PRDM16: variants seen among roughly 807,000 people sequenced by gnomAD.
The protein encoded by PRDM16 is PR/SET domain 16, also known as histone-lysine N-methyltransferase PRDM16.
In PRDM16, 23 loss-of-function variants were observed where a neutral mutation model predicts 110.6. That is an observed-to-expected ratio of 0.21 (90% CI 0.15 to 0.29). PRDM16 has a LOEUF of 0.29. Among genes scored for constraint, PRDM16 ranks in the 10% least tolerant of loss-of-function variants. The probability of loss-of-function intolerance (pLI) is 1.00; values close to 1 mark genes in which losing one functional copy is unlikely to be tolerated. For missense variants in PRDM16, 1,615 were observed against 1,794.3 expected, an observed-to-expected ratio of 0.90 and a Z score of 1.81; for synonymous variants, 799 against 781.8, an observed-to-expected ratio of 1.02 and a Z score of -0.37.
intron 3 of PRDM16, among the ~76,000 whole-genome samples, chr1:3,371,947 G>C (rs1244071243): frequency 6.6e-6 from 1 of 152,242 alleles, no homozygotes; most frequent in Non-Finnish European, 1.5e-5. Context: ...GCACCTGTGG[G>C]CCTCAGCTCT....
At chr1:3,404,980 T>C in intron 7 of PRDM16, 94 bp downstream of exon 7, 2 of 1,402,646 alleles carry the variant, frequency 1.4e-6, no homozygotes, top group Non-Finnish European at 1.9e-6. Context: ...CTGGTCCAAA[T>C]GTAGATGGAG....
intron 1 of PRDM16, among the ~76,000 whole-genome samples, chr1:3,124,728 C>G (rs891822493): frequency 5.9e-5 from 9 of 152,216 alleles, no homozygotes; most frequent in African/African-American, 2.2e-4. Flanking sequence ...GTGACAGCCC[C>G]TCGAAGCCCC....
At chr1:3,129,515 G>T (rs978744613) in intron 1 of PRDM16, among the ~76,000 whole-genome samples, 2 of 152,188 alleles carry the variant, frequency 1.3e-5, no homozygotes, top group Non-Finnish European at 2.9e-5. Context: ...AACCACAGGG[G>T]TGTCGTCCAG....
At chr1:3,399,314 C>T (rs1258058582) in intron 5 of PRDM16, among the ~76,000 whole-genome samples, 2 of 152,246 alleles carry the variant, frequency 1.3e-5, no homozygotes, top group African/African-American at 2.4e-5. Flanking sequence ...AGATGGGAAA[C>T]ATTATCAGAA....
At chr1:3,306,209 A>C (rs1292318714) in intron 3 of PRDM16, among the ~76,000 whole-genome samples, 1 of 152,244 alleles carries the variant, frequency 6.6e-6, no homozygotes, top group African/African-American at 2.4e-5. Context: ...GACCTGCCAC[A>C]CAAGCCAGCT....
At position 3,370,637 on chromosome 1, in the gene PRDM16, C is replaced by T. The variant is rs1170009036; in HGVS notation, c.439-14515C>T. 6.6e-6 allele frequency among the ~76,000 whole-genome samples: 1 copy of T among 152,156 alleles called. No individual in the cohort carries two copies. Among genetic ancestry groups the T allele is most frequent in the East Asian group, 1.9e-4 (1 of 5,182 alleles). The stretch of plus-strand genomic sequence containing the variant: ...GTGAGAGTGTCTGAGAGGAGCCTCA[C>T]CCTGATGTGAGGGACCAGGGCAGGC... On this transcript the variant is annotated intron_variant, in intron 3 of 16. Transcript: ENST00000270722. The surrounding 1 kb of genome is among the most constrained non-coding windows in gnomAD (Gnocchi z 4.8).
chr1:3,366,405 T>C (rs1642816690), intron 3 of PRDM16, among the ~76,000 whole-genome samples: 2 of 152,318 alleles, frequency 1.3e-5, no homozygotes, highest in African/African-American at 2.4e-5. Flanking sequence ...GGGCCCTCCA[T>C]GCCTGTTCGC....
intron 1 of PRDM16, among the ~76,000 whole-genome samples, chr1:3,098,144 G>A (rs781449948): frequency 3.9e-5 from 6 of 152,164 alleles, no homozygotes; most frequent in African/African-American, 1.2e-4. Flanking sequence ...TCACTGAGCC[G>A]TGTGGAATCC....
chr1:3,275,375 G>T (rs540384032), intron 3 of PRDM16, among the ~76,000 whole-genome samples: 1 of 152,170 alleles, frequency 6.6e-6, no homozygotes, highest in Non-Finnish European at 1.5e-5. Flanking sequence ...CCCAGCCTTC[G>T]CTCCTTCCTG....
rs1218127048 is a variant in PRDM16, at chr1:3,201,238, TG to T, written c.387+14770del. Among the ~76,000 whole-genome samples the T allele has an allele frequency of 1.3e-5, 2 of 152,080 alleles. No homozygotes were observed. Among genetic ancestry groups the T allele is most frequent in the Non-Finnish European group, 2.9e-5 (2 of 68,012 alleles). ...ACTCCATTCATATGATCATAGGAGC[TG>T]GGGGGCTGGAGACAAATGTATTTCT... On this transcript the variant is annotated intron_variant, in intron 2 of 16. Coordinates refer to ENST00000270722, the MANE Select transcript of PRDM16 (RefSeq NM_022114.4). The surrounding 1 kb of genome is among the most constrained non-coding windows in gnomAD (Gnocchi z 4.1).
At chr1:3,420,225 T>C (rs1436778904) in intron 12 of PRDM16, among the ~76,000 whole-genome samples, 1 of 152,222 alleles carries the variant, frequency 6.6e-6, no homozygotes, top group Non-Finnish European at 1.5e-5. Flanking sequence ...TCAAGGCAGG[T>C]CTGTGCCGAG....
At chr1:3,140,321 A>G (rs1212992822) in intron 1 of PRDM16, among the ~76,000 whole-genome samples, 1 of 152,114 alleles carries the variant, frequency 6.6e-6, no homozygotes, top group Non-Finnish European at 1.5e-5. Flanking sequence ...ATTACTCTGC[A>G]CTGTAGCCTT....
chr1:3,388,917 C>T (rs1357731048), intron 4 of PRDM16, among the ~76,000 whole-genome samples: 1 of 152,208 alleles, frequency 6.6e-6, no homozygotes, highest in African/African-American at 2.4e-5. Flanking sequence ...CTCATGGTTC[C>T]ATGCAGTGTA....
intron 10 of PRDM16, among the ~76,000 whole-genome samples, chr1:3,417,101 A>G (rs538270438): frequency 6.6e-6 from 1 of 152,270 alleles, no homozygotes; most frequent in East Asian, 1.9e-4. Context: ...CACCAATCCC[A>G]TGCTTCCACT....
At chr1:3,226,710 G>C (rs1477591197) in intron 2 of PRDM16, among the ~76,000 whole-genome samples, 1 of 152,124 alleles carries the variant, frequency 6.6e-6, no homozygotes, top group African/African-American at 2.4e-5. Flanking sequence ...GCAGAGAGGG[G>C]CCTGGATGCA....
chr1:3,313,135 C>G (rs772682721), intron 3 of PRDM16, among the ~76,000 whole-genome samples: 16 of 152,236 alleles, frequency 1.1e-4, no homozygotes, highest in Non-Finnish European at 1.8e-4. Context: ...TGTCAGTGTC[C>G]TTCCTCGTGA....
At chr1:3,198,093 A>C (rs74048305) in intron 2 of PRDM16, among the ~76,000 whole-genome samples, 2,673 of 152,024 alleles carry the variant, frequency 0.018, 76 homozygotes, top group African/African-American at 0.056. Flanking sequence ...CCTGAGGACA[A>C]CTCCTGTGGG....
chr1:3,289,359 G>A (rs763704592), intron 3 of PRDM16, among the ~76,000 whole-genome samples: 30 of 152,206 alleles, frequency 2.0e-4, no homozygotes, highest in East Asian at 5.8e-4. Context: ...GATGCCCGCC[G>A]GAGTCTGAAC....
rs767130807 is a variant in PRDM16, at chr1:3,411,508, C to T, written c.1311C>T (p.Ser437=). The T allele has an allele frequency of 5.0e-6, 8 of 1,614,204 alleles. No individual in the cohort carries two copies. The highest frequency in any genetic ancestry group is 6.8e-6 in the Non-Finnish European group (8 of 1,180,036). ...DCGQMFSTTS[S]LNKHRRFCEG... Reference sequence around the variant, plus strand: ...GCCAGATGTTCAGCACTACCTCCTCCCTCAACAAGCACCGGCGCTTCTGCG... The same window carrying T: ...GCCAGATGTTCAGCACTACCTCCTCTCTCAACAAGCACCGGCGCTTCTGCG... The change falls in exon 9 of 17, where the codon TCC becomes TCT. Residue 437 remains serine, a synonymous_variant. Transcript: ENST00000270722.
Sources: gnomAD v4.1 joint callset for allele counts (sites outside exome capture counted in the v4.1 genomes callset) on GRCh38, gnomAD v4.1.1 for gene constraint, Gnocchi (gnomAD v3.1) non-coding constraint, MANE v1.5 for transcripts, NCBI Gene and HGNC (gene_info 2026-07-23, HGNC 2026-07-21) for gene names.